Variants in RIMS2 observed in about 807,000 individuals in gnomAD.
RIMS2 encodes regulating synaptic membrane exocytosis protein 2.
RIMS2 carries 59 observed loss-of-function variants against 174.4 expected under a neutral mutation model. That is an observed-to-expected ratio of 0.34 (90% CI 0.27 to 0.42). RIMS2 has a LOEUF of 0.42. Among genes scored for constraint, RIMS2 ranks in the 10% least tolerant of loss-of-function variants. RIMS2 has a pLI of 1.00. For synonymous variants in RIMS2, 606 were observed against 572.5 expected (o/e 1.06, Z -0.84); for missense variants, 1,620 against 1,666.3 (o/e 0.97, Z 0.48).
rs57031548 is a variant in RIMS2, at chr8:104,005,381, T to C, written c.3045-8061T>C. Among the ~76,000 whole-genome samples the C allele has an allele frequency of 9.6e-3, 1,468 of 152,244 alleles. 26 individuals carry two copies. Among genetic ancestry groups the C allele is most frequent in the African/African-American group, 0.033 (1,368 of 41,558 alleles). On this transcript the variant is annotated intron_variant, in intron 17 of 23. Coordinates refer to ENST00000504942, the Ensembl canonical transcript of RIMS2. ...TCCTGGACTGTGAAATGTGAAAGAATAAGTAGCTTCTGCAGATGAAGGCTA... is the reference window on the plus strand; with the variant it reads ...TCCTGGACTGTGAAATGTGAAAGAACAAGTAGCTTCTGCAGATGAAGGCTA...
intron 19 of RIMS2, among the ~76,000 whole-genome samples, chr8:104,033,637 AT>A (rs566761611): frequency 1.7e-4 from 25 of 147,408 alleles, no homozygotes; most frequent in Middle Eastern, 3.5e-3. Flanking sequence ...TGTTTTGGCG[AT>A]TTTTTTTTTC....
intron 2 of RIMS2, among the ~76,000 whole-genome samples, chr8:103,704,779 A>C (rs1319839926): frequency 6.6e-6 from 1 of 151,984 alleles, no homozygotes; most frequent in Admixed American, 6.6e-5. Flanking sequence ...AGTAGTCTCT[A>C]ATGATCCTTT....
At chr8:104,232,507 A>C (rs181949677) in intron 19 of RIMS2, among the ~76,000 whole-genome samples, 1 of 152,338 alleles carries the variant, frequency 6.6e-6, no homozygotes, top group East Asian at 1.9e-4. Context: ...GATCCTGGAT[A>C]GGTCATAGAA....
intron 2 of RIMS2, among the ~76,000 whole-genome samples, chr8:103,700,693 T>C (rs1266262838): frequency 6.6e-6 from 1 of 152,000 alleles, no homozygotes; most frequent in African/African-American, 2.4e-5. Flanking sequence ...TTATGTCATC[T>C]GTTCTTTGTT....
At chr8:104,237,987 G>A (rs563856643) in intron 19 of RIMS2, among the ~76,000 whole-genome samples, 9 of 152,220 alleles carry the variant, frequency 5.9e-5, no homozygotes, top group African/African-American at 7.2e-5. Context: ...CTGCTGATGG[G>A]AGGGAAGTTA....
At chr8:103,935,793 T>A (rs577169869) in intron 12 of RIMS2, among the ~76,000 whole-genome samples, 1 of 152,294 alleles carries the variant, frequency 6.6e-6, no homozygotes, top group East Asian at 1.9e-4. Flanking sequence ...TGTTTAAAAA[T>A]TTTTACTTTA....
intron 19 of RIMS2, among the ~76,000 whole-genome samples, chr8:104,034,759 G>A (rs1444757937): frequency 6.6e-6 from 1 of 151,822 alleles, no homozygotes; most frequent in Non-Finnish European, 1.5e-5. Context: ...CATGAGCTAC[G>A]GTGCCCAGCC....
intron 19 of RIMS2, among the ~76,000 whole-genome samples, chr8:104,078,780 T>G (rs1463744606): frequency 6.6e-6 from 1 of 152,228 alleles, no homozygotes. Context: ...AACTTTTTAT[T>G]TCTTTTTTGA....
chr8:103,876,352 A>C (rs902827597), intron 3 of RIMS2, among the ~76,000 whole-genome samples: 2 of 151,854 alleles, frequency 1.3e-5, no homozygotes, highest in African/African-American at 4.8e-5. Flanking sequence ...CCATTCATTG[A>C]ACAAGGTATC....
chr8:103,700,107 A>G (rs1360829577), intron 2 of RIMS2, among the ~76,000 whole-genome samples: 1 of 152,140 alleles, frequency 6.6e-6, no homozygotes, highest in Non-Finnish European at 1.5e-5. Flanking sequence ...AGAGTCATTT[A>G]AATCTGTTAT....
chr8:103,852,632 C>T (rs527553729), intron 3 of RIMS2, among the ~76,000 whole-genome samples: 1 of 151,906 alleles, frequency 6.6e-6, no homozygotes, highest in Admixed American at 6.6e-5. Flanking sequence ...TATTTAGCCC[C>T]CACTTGTAAG....
At chr8:103,622,038 A>T (rs761415694) in intron 1 of RIMS2, among the ~76,000 whole-genome samples, 8 of 152,184 alleles carry the variant, frequency 5.3e-5, no homozygotes, top group African/African-American at 1.7e-4. Context: ...ATCATTTTTT[A>T]AAATTATCAT....
At chr8:104,186,024 A>C (rs1047680941) in intron 19 of RIMS2, among the ~76,000 whole-genome samples, 1 of 151,728 alleles carries the variant, frequency 6.6e-6, no homozygotes, top group South Asian at 2.1e-4. Flanking sequence ...ATATATATAC[A>C]TATATATATG....
intron 1 of RIMS2, among the ~76,000 whole-genome samples, chr8:103,648,656 C>T (rs2096390987): frequency 6.6e-6 from 1 of 152,156 alleles, no homozygotes; most frequent in South Asian, 2.1e-4. Context: ...GGAGAATTAG[C>T]TCTTCTTGTT....
At chr8:103,834,702 TTC>T (rs2098850734) in intron 3 of RIMS2, among the ~76,000 whole-genome samples, 2 of 120,014 alleles carry the variant, frequency 1.7e-5, no homozygotes, top group Non-Finnish European at 3.4e-5. Context: ...CTTTCTTTCT[TTC>T]TTTCTTTCTT....
rs574637951 is a variant in RIMS2, at chr8:103,634,021, A to G, written c.177-63065A>G. ...ATTTTTCGTGTCTTGATTTCCCTCA[A>G]TTCAGCTCCGATTTTTGTTATTTCT... On this transcript the variant is annotated intron_variant, in intron 1 of 23. Coordinates refer to ENST00000504942, the Ensembl canonical transcript of RIMS2. 7.9e-5 allele frequency among the ~76,000 whole-genome samples: 12 copies of G among 152,114 alleles called. No homozygotes were observed. The East Asian group carries it at 1.2e-3, about 15-fold the overall frequency.
At chr8:103,649,197 A>G (rs1479279212) in intron 1 of RIMS2, among the ~76,000 whole-genome samples, 3 of 152,024 alleles carry the variant, frequency 2.0e-5, no homozygotes, top group Non-Finnish European at 4.4e-5. Flanking sequence ...TTCACTTATG[A>G]TGTTTAGTTT....
intron 9 of RIMS2, chr8:103,920,694 A>G: frequency 2.2e-6 from 1 of 457,176 alleles, no homozygotes; most frequent in Non-Finnish European, 4.4e-6. Flanking sequence ...ATTCCCTTAA[A>G]TATAGGTCTT....
intron 19 of RIMS2, among the ~76,000 whole-genome samples, chr8:104,105,595 T>C (rs2098033200): frequency 1.3e-5 from 2 of 151,718 alleles, no homozygotes; most frequent in South Asian, 4.2e-4. Context: ...TAGGACAGAG[T>C]CTCATTTTGT....
Sources: gnomAD v4.1 joint callset for allele counts (sites outside exome capture counted in the v4.1 genomes callset) on GRCh38, gnomAD v4.1.1 for gene constraint, MANE v1.5 for transcripts, NCBI Gene and HGNC (gene_info 2026-07-23, HGNC 2026-07-21) for gene names.